MKI67: variants seen among roughly 807,000 people sequenced by gnomAD.
MKI67 encodes marker of proliferation Ki-67, also known as proliferation marker protein Ki-67.
In MKI67, 152 loss-of-function variants were observed where a neutral mutation model predicts 233.5. The observed-to-expected ratio is 0.65, with a 90% confidence interval of 0.57 to 0.74. MKI67 has a LOEUF of 0.74. MKI67 is among the 30% of genes least tolerant of loss of function. The pLI, the probability that MKI67 is intolerant of heterozygous loss-of-function variation, is 0.00. For synonymous variants in MKI67, 1,465 were observed against 1,418.5 expected (o/e 1.03, Z -0.74); for missense variants, 3,940 against 3,885.2 (o/e 1.01, Z -0.37).
At chr10:128,116,342 G>A in intron 6 of MKI67, 149 bp downstream of exon 6, 1 of 727,732 alleles carries the variant, frequency 1.4e-6, no homozygotes, top group Non-Finnish European at 2.4e-6. Flanking sequence ...TTAGGCATCT[G>A]TCTGTCGTTG....
Position 128,115,924 on chromosome 10 carries a change from C to T in MKI67, c.484G>A (p.Val162Ile). Residue 162 changes from valine to isoleucine, a missense_variant, in exon 7 of 15, where the codon GTC becomes ATC. By Grantham distance (29) the Val-to-Ile change is conservative. Coordinates refer to ENST00000368654, the MANE Select transcript of MKI67 (RefSeq NM_002417.5). ...TCATCTGCGGTACTGTCTTCTTTGA[C>T]ATTCTTGATATGTACCTGAGGATTT... is the stretch of plus-strand genomic sequence containing the variant. ...SGNPQVHIKNVKEDSTADDSK... is the reference protein window; with the variant it reads ...SGNPQVHIKNIKEDSTADDSK... The T allele has an allele frequency of 6.2e-7, 1 of 1,611,684 alleles. No homozygotes were observed. Among genetic ancestry groups the T allele is most frequent in the South Asian group, 1.1e-5 (1 of 91,058 alleles).
chr10:128,101,517 ACTTTGT>A lies in MKI67; in HGVS notation c.9440_9445del (p.Asp3147_Lys3148del). The A allele has an allele frequency of 6.2e-7, 1 of 1,614,086 alleles. No individual in the cohort carries two copies. Among genetic ancestry groups the A allele is most frequent in the Non-Finnish European group, 8.5e-7 (1 of 1,180,020 alleles). On this transcript the variant is annotated inframe_deletion, in exon 14 of 15. Transcript: ENST00000368654. ...CCTCAAGCACCTTTTGTTCTCAGTG[ACTTTGT>A]CTCTAGGTATGGGTTTCCGGGCTCC...
chr10:128,114,991 G>A lies in MKI67; in HGVS notation c.1417C>T (p.Gln473Ter). 6.2e-7 allele frequency: 1 copy of A among 1,607,586 alleles called. No individual in the cohort carries two copies. Among genetic ancestry groups the A allele is most frequent in the Admixed American group, 1.7e-5 (1 of 59,906 alleles). ...AGACCAGGTAACCCAGAGCACATCT[G>A]TCCAGCTGTAGTGCCCAATTTCTCA... ...KPEKLGTTAG[Q>*]MCSGLPGLSS... is the part of the protein sequence containing the mutation. The change falls in exon 7 of 15, where the codon CAG becomes TAG. Residue 473 changes from glutamine (Q) to a stop codon, truncating the protein, a stop_gained. Transcript: ENST00000368654. LOFTEE classifies it high-confidence loss of function.
In MKI67 at chr10:128,106,732, T is replaced by C. The variant is rs1048091979; in HGVS notation, c.5108A>G (p.Lys1703Arg). ...GGCCAGGTCTTCAGGGACTTCAGAC[T>C]TTCCCTTAGGAGTTCTCAGCTGCCT... ...SKRQLRTPKG[K>R]SEVPEDLAGF... Residue 1703 changes from lysine (K) to arginine (R), a missense_variant, in exon 13 of 15, where the codon AAG becomes AGG. Transcript: ENST00000368654. The C allele has an allele frequency of 3.1e-6, 5 of 1,613,932 alleles. No homozygotes were observed. In the African/African-American group the frequency reaches 6.7e-5, roughly 22 times the overall value.
Position 128,105,077 on chromosome 10 carries a change from G to A in MKI67, c.6763C>T (p.Leu2255Phe). ...CCTACTGATGGTGTTCGTTTCCTGA[G>A]TGCTAAGGATTCTTCCTCTACGTCT... ...KADVEEESLA[L>F]RKRTPSVGKA... The change falls in exon 13 of 15, where the codon CTC (leucine) becomes TTC (phenylalanine). Residue 2255 changes from leucine (L) to phenylalanine (F), a missense_variant. Physicochemically the swap from Leu to Phe is conservative, Grantham distance 22. Coordinates refer to ENST00000368654, the MANE Select transcript of MKI67 (RefSeq NM_002417.5). The A allele has an allele frequency of 6.2e-7, 1 of 1,613,868 alleles. No individual in the cohort carries two copies. The highest frequency in any genetic ancestry group is 8.5e-7 in the Non-Finnish European group (1 of 1,179,990).
chr10:128,102,806 G>C lies in MKI67; in HGVS notation c.9034C>G (p.Leu3012Val), dbSNP rs377117187. The change falls in exon 13 of 15, where the codon CTG (leucine) becomes GTG (valine). Residue 3012 changes from leucine (L) to valine (V), a missense_variant. Physicochemically the swap from Leu to Val is conservative, Grantham distance 32 (BLOSUM62 1). Transcript: ENST00000368654. The part of the protein sequence containing the change: ...KDGSVTGTKR[L>V]RCMPAPEEIV... ...TCCTCTGGTGCTGGCATGCAGCGCA[G>C]CCTCTTGGTTCCCGTGACGCTTCCA... 9 of 1,614,110 alleles carry C rather than the reference G, an allele frequency of 5.6e-6. No homozygotes were observed. The highest frequency in any genetic ancestry group is 3.3e-5 in the Admixed American group (2 of 60,006).
At position 128,099,103 on chromosome 10, in the gene MKI67, G is replaced by T; in HGVS notation, c.*87C>A. 9.6e-7 allele frequency: 1 copy of T among 1,041,928 alleles called. No homozygotes were observed. Among genetic ancestry groups the T allele is most frequent in the Admixed American group, 2.2e-5 (1 of 44,666 alleles). 64.5% of individuals were successfully genotyped at this position (1,041,928 alleles called of 1,614,324 possible). A position where few individuals can be genotyped will look rare whatever the true frequency, so the allele number is the denominator to read the frequency against. On this transcript the variant is annotated 3_prime_UTR_variant, in exon 15 of 15. Transcript: ENST00000368654. Reference sequence around the variant, plus strand: ...AAGCAGACTGACAGCCTTACTTACAGAATTCACTTGTAATTTATGACAAAA... The same window carrying T: ...AAGCAGACTGACAGCCTTACTTACATAATTCACTTGTAATTTATGACAAAA...
intron 13 of MKI67, among the ~76,000 whole-genome samples, 162 bp downstream of exon 13, chr10:128,102,416 TC>T (rs1852354523): frequency 6.6e-6 from 1 of 152,204 alleles, no homozygotes; most frequent in African/African-American, 2.4e-5. Context: ...CCTCTATAGG[TC>T]CCAAGAAGAT....
Position 128,109,472 on chromosome 10 carries a change from C to T in MKI67, c.2417-49G>A, listed in dbSNP as rs369512668. On this transcript the variant is annotated intron_variant, in intron 12 of 14. Transcript: ENST00000368654. ...AAAACATTCTATTAGTGTCTCATGT[C>T]AATCGAGTATTACAGCCTCATAAAA... 1.8e-5 allele frequency: 28 copies of T among 1,558,586 alleles called. No homozygotes were observed. In the African/African-American group the frequency reaches 3.4e-4, roughly 19 times the overall value.
At position 128,110,160 on chromosome 10, in the gene MKI67, C is replaced by T. The variant is rs555192092; in HGVS notation, c.2416+218G>A. Among the ~76,000 whole-genome samples, 37 of 152,332 alleles carry T rather than the reference C, an allele frequency of 2.4e-4. 2 individuals carry two copies. In the South Asian group the frequency reaches 3.9e-3, roughly 16 times the overall value. On this transcript the variant is annotated intron_variant, in intron 12 of 14. Transcript: ENST00000368654. ...AAAGTGTACACAGGTCATTTACACACATTAACGGAGTCTTTCTTTCTATAT... is the reference window on the plus strand; with the variant it reads ...AAAGTGTACACAGGTCATTTACACATATTAACGGAGTCTTTCTTTCTATAT...
chr10:128,115,932 A>T lies in MKI67; in HGVS notation c.476T>A (p.Ile159Asn). The change falls in exon 7 of 15, where the codon ATC becomes AAC. Residue 159 changes from isoleucine to asparagine, a missense_variant. Physicochemically the swap from Ile to Asn is moderately radical, Grantham distance 149. Transcript: ENST00000368654. ...GGTACTGTCTTCTTTGACATTCTTG[A>T]TATGTACCTGAGGATTTCCTGAAAC... The part of the protein sequence containing the change: ...GKVSGNPQVH[I>N]KNVKEDSTAD... The T allele has an allele frequency of 6.2e-7, 1 of 1,611,746 alleles. No homozygotes were observed. Among genetic ancestry groups the T allele is most frequent in the Non-Finnish European group, 8.5e-7 (1 of 1,179,944 alleles).
chr10:128,116,369 C>T (rs1852808239), intron 6 of MKI67, 122 bp downstream of exon 6: 1 of 866,730 alleles, frequency 1.2e-6, no homozygotes, highest in Non-Finnish European at 1.9e-6. Flanking sequence ...TAAATGACAC[C>T]TCCTCCATTT....
intron 12 of MKI67, 66 bp downstream of exon 12, chr10:128,110,312 G>C: frequency 7.8e-7 from 1 of 1,283,132 alleles, no homozygotes; most frequent in Non-Finnish European, 1.0e-6. Context: ...CATACTGCTT[G>C]TAAAAAAATA....
Position 128,125,278 on chromosome 10 carries a change from C to G in MKI67, c.92+298G>C, listed in dbSNP as rs1222407625. Among the ~76,000 whole-genome samples the G allele has an allele frequency of 7.9e-5, 12 of 152,186 alleles. No homozygotes were observed. The highest frequency in any genetic ancestry group is 7.9e-4 in the Admixed American group (12 of 15,276). ...CGGGGGCGCACAGTGTCTTCAGACG[C>G]CTGCCTGCAGCCAGTGACATATGAA... On this transcript the variant is annotated intron_variant, in intron 2 of 14. Transcript: ENST00000368654. This position sits in a 1 kb window ranked among gnomAD's most constrained non-coding sequence, Gnocchi z 5.3.
chr10:128,106,649 T>G lies in MKI67; in HGVS notation c.5191A>C (p.Lys1731Gln), dbSNP rs766356642. Residue 1731 changes from lysine (K) to glutamine (Q), a missense_variant, in exon 13 of 15, where the codon AAA becomes CAA. Physicochemically the swap from Lys to Gln is moderately conservative, Grantham distance 53. Transcript: ENST00000368654. ...SHTKESMTNE[K>Q]TTKVSYRASQ... is the part of the protein sequence containing the mutation. ...GCTCTGTAGGATACTTTGGTAGTTT[T>G]TTCGTTAGTCATTGATTCCTTAGTG... 39 of 1,614,076 alleles carry G rather than the reference T, an allele frequency of 2.4e-5. No individual in the cohort carries two copies. Among genetic ancestry groups the G allele is most frequent in the Non-Finnish European group, 3.3e-5 (39 of 1,180,038 alleles).
Position 128,107,044 on chromosome 10 carries a change from C to T in MKI67, c.4796G>A (p.Gly1599Asp), listed in dbSNP as rs921602539. ...AGFKELFQTRGHTEESMTNDK... is the reference protein window; with the variant it reads ...AGFKELFQTRDHTEESMTNDK... ...GTTAGTCATTGATTCCTCAGTGTGA[C>T]CTCGTGTCTGGAAGAGCTCTTTAAA... Residue 1599 changes from glycine to aspartate, a missense_variant, in exon 13 of 15, where the codon GGT (glycine) becomes GAT (aspartate). By Grantham distance (94) the Gly-to-Asp change is moderately conservative. Coordinates refer to ENST00000368654, the MANE Select transcript of MKI67 (RefSeq NM_002417.5). 1 of 1,614,070 alleles carries T rather than the reference C, an allele frequency of 6.2e-7. No homozygotes were observed. Among genetic ancestry groups the T allele is most frequent in the Non-Finnish European group, 8.5e-7 (1 of 1,180,034 alleles).
rs769390000 is a variant in MKI67, at chr10:128,103,754, G to A, written c.8086C>T (p.Leu2696=). The A allele has an allele frequency of 6.2e-7, 1 of 1,613,746 alleles. No individual in the cohort carries two copies. Among genetic ancestry groups the A allele is most frequent in the South Asian group, 1.1e-5 (1 of 91,052 alleles). The change falls in exon 13 of 15, where the codon CTG becomes TTG. Residue 2696 remains leucine, a synonymous_variant. Transcript: ENST00000368654. ...ATTTTAGTGGCTTTGCCAGCAGTCAGTGATTCCTGAGTGTGACCTGATGTT... is the reference window on the plus strand; with the variant it reads ...ATTTTAGTGGCTTTGCCAGCAGTCAATGATTCCTGAGTGTGACCTGATGTT... ...SETSGHTQES[L]TAGKATKIPC...
Position 128,124,069 on chromosome 10 carries a change from G to T in MKI67, c.93-900C>A, listed in dbSNP as rs189826668. ...CCAGGTCATGTGACCAAACACTTAG[G>T]AATTATTTCTAAATTATAAAATCTT... On this transcript the variant is annotated intron_variant, in intron 2 of 14. Transcript: ENST00000368654. Among the ~76,000 whole-genome samples, 17 of 152,200 alleles carry T rather than the reference G, an allele frequency of 1.1e-4. No homozygotes were observed. The East Asian group carries it at 3.3e-3, about 29-fold the overall frequency.
At position 128,115,549 on chromosome 10, in the gene MKI67, A is replaced by G; in HGVS notation, c.859T>C (p.Leu287=). 6.2e-7 allele frequency: 1 copy of G among 1,614,200 alleles called. No individual in the cohort carries two copies. The highest frequency in any genetic ancestry group is 1.3e-5 in the African/African-American group (1 of 75,040). The change falls in exon 7 of 15, where the codon TTG becomes CTG. Residue 287 remains leucine (L), a synonymous_variant. Transcript: ENST00000368654. ...TTTGGTCTTGACTTACGCGAGACCA[A>G]CAGTTGGGTCTCCCCCTGTAAACCA... ...ADGLQGETQL[L]VSRKSRPKSG... is the part of the protein sequence containing the mutation.
Sources: gnomAD v4.1 joint callset for allele counts (sites outside exome capture counted in the v4.1 genomes callset) on GRCh38, gnomAD v4.1.1 for gene constraint, Gnocchi (gnomAD v3.1) non-coding constraint, MANE v1.5 for transcripts, NCBI Gene and HGNC (gene_info 2026-07-23, HGNC 2026-07-21) for gene names.